The following DPP6 variants were observed in gnomAD, a reference collection of about 807,000 sequenced individuals.
DPP6 encodes A-type potassium channel modulatory protein DPP6.
In DPP6, 69 loss-of-function variants were observed where a neutral mutation model predicts 122.6. The ratio of observed to expected loss-of-function variants is 0.56; its 90% CI spans 0.46 to 0.69. The LOEUF is 0.69. Ranked by LOEUF, DPP6 falls within the 30% of genes least tolerant of loss-of-function variation. DPP6 has a pLI of 0.00. For synonymous variants in DPP6, 418 were observed against 433.1 expected (o/e 0.97, Z 0.43); for missense variants, 928 against 1,116.9 (o/e 0.83, Z 2.41).
intron 1 of DPP6, among the ~76,000 whole-genome samples, chr7:154,315,159 A>G (rs1226854347): frequency 1.3e-5 from 2 of 152,212 alleles, no homozygotes; most frequent in Non-Finnish European, 2.9e-5. Flanking sequence ...TAAATTATGC[A>G]TGCTTTGGAA....
At chr7:154,466,751 G>A (rs1234782445) in intron 2 of DPP6, among the ~76,000 whole-genome samples, 1 of 152,172 alleles carries the variant, frequency 6.6e-6, no homozygotes, top group Non-Finnish European at 1.5e-5. Context: ...CTTTGGGATG[G>A]CCCTGTCTTA....
At chr7:153,877,935 A>G in the DPP6 span, among the ~76,000 whole-genome samples, 8 of 152,300 alleles carry the variant, frequency 5.3e-5, no homozygotes, top group East Asian at 9.7e-4. Context: ...CCTGGACACT[A>G]CAAATGACAA....
At chr7:154,279,439 T>A (rs946645702) in intron 1 of DPP6, among the ~76,000 whole-genome samples, 7 of 152,200 alleles carry the variant, frequency 4.6e-5, no homozygotes, top group African/African-American at 1.7e-4. Context: ...GGTGGTGGTA[T>A]CATGGGGATA....
intron 21 of DPP6, chr7:154,885,287 A>C (rs549056934): frequency 4.6e-5 from 10 of 219,030 alleles, no homozygotes; most frequent in African/African-American, 1.6e-4. Context: ...CAGACAAGGG[A>C]GGCGGTAAGA....
chr7:154,882,064 C>A (rs549466429), intron 21 of DPP6, among the ~76,000 whole-genome samples: 1 of 152,214 alleles, frequency 6.6e-6, no homozygotes, highest in Non-Finnish European at 1.5e-5. Flanking sequence ...CGTCACTCTG[C>A]CCCAAATGCA....
At chr7:153,765,755 G>A in the DPP6 span, among the ~76,000 whole-genome samples, 3 of 152,088 alleles carry the variant, frequency 2.0e-5, no homozygotes, top group East Asian at 1.9e-4. Flanking sequence ...AACACATGTC[G>A]CCTCACCAAA....
At chr7:154,510,936 G>GCACACAAACACACACACACACA (rs1187638890) in intron 3 of DPP6, among the ~76,000 whole-genome samples, 1 of 145,090 alleles carries the variant, frequency 6.9e-6, no homozygotes, top group African/African-American at 2.6e-5. Flanking sequence ...ACACACACAT[G>GCACACAAACACACACACACACA]CACACACACA....
At chr7:154,476,095 A>ATCAT in intron 3 of DPP6, among the ~76,000 whole-genome samples, 1 of 152,164 alleles carries the variant, frequency 6.6e-6, no homozygotes, top group African/African-American at 2.4e-5. Flanking sequence ...ATCAATTAAC[A>ATCAT]ATGACTCTTG....
chr7:154,843,464 C>A (rs1762054984), intron 16 of DPP6, among the ~76,000 whole-genome samples: 2 of 152,210 alleles, frequency 1.3e-5, no homozygotes, highest in Non-Finnish European at 2.9e-5. Flanking sequence ...ACCAGAACCT[C>A]TTTGTCGGTA....
intron 1 of DPP6, among the ~76,000 whole-genome samples, chr7:154,130,403 C>T (rs1377945152): frequency 6.6e-6 from 1 of 152,236 alleles, no homozygotes; most frequent in South Asian, 2.1e-4. Flanking sequence ...CCGGTTTCCT[C>T]ATCTGTAGGA....
intron 5 of DPP6, among the ~76,000 whole-genome samples, chr7:154,617,833 T>C (rs1834364275): frequency 6.6e-6 from 1 of 152,068 alleles, no homozygotes; most frequent in Admixed American, 6.5e-5. Flanking sequence ...GACAGAAGGT[T>C]TAGTAGCACT....
At chr7:154,032,264 C>T (rs1424827588) in intron 1 of DPP6, among the ~76,000 whole-genome samples, 3 of 152,036 alleles carry the variant, frequency 2.0e-5, no homozygotes, top group East Asian at 1.9e-4. Flanking sequence ...GGGACAAGGA[C>T]GTTGCAGGTG....
intron 1 of DPP6, among the ~76,000 whole-genome samples, chr7:154,309,370 ATTAAC>A (rs1049430037): frequency 1.3e-5 from 2 of 151,716 alleles, no homozygotes; most frequent in African/African-American, 4.9e-5. Context: ...AGGACCTAGT[ATTAAC>A]TTAAATTTGG....
intron 5 of DPP6, among the ~76,000 whole-genome samples, chr7:154,627,699 G>T (rs922949385): frequency 2.0e-5 from 3 of 152,168 alleles, no homozygotes; most frequent in African/African-American, 7.2e-5. Flanking sequence ...TTCAACTTCC[G>T]CATCAGGACT....
chr7:154,573,453 A>ACCAC (rs1831258983), intron 5 of DPP6, among the ~76,000 whole-genome samples: 1 of 152,198 alleles, frequency 6.6e-6, no homozygotes, highest in Non-Finnish European at 1.5e-5. Context: ...CAGCCTGTCC[A>ACCAC]CCACCCACTG....
At chr7:154,848,144 G>C (rs1163640048) in intron 16 of DPP6, among the ~76,000 whole-genome samples, 4 of 152,208 alleles carry the variant, frequency 2.6e-5, no homozygotes, top group African/African-American at 9.6e-5. Flanking sequence ...AGTACAGACA[G>C]CTCTTCAACA....
At chr7:154,840,043 A>G (rs139500734) in intron 16 of DPP6, among the ~76,000 whole-genome samples, 1 of 152,312 alleles carries the variant, frequency 6.6e-6, no homozygotes, top group East Asian at 1.9e-4. Flanking sequence ...GAGAGGCCAG[A>G]GCGTGGAACG....
intron 8 of DPP6, among the ~76,000 whole-genome samples, chr7:154,733,629 A>G (rs1301647354): frequency 4.6e-5 from 7 of 152,208 alleles, no homozygotes. Flanking sequence ...TGTCTTGAGT[A>G]TTCAAGGAGG....
chr7:153,935,509 T>C (rs544551384), intron 1 of DPP6, among the ~76,000 whole-genome samples: 47 of 152,252 alleles, frequency 3.1e-4, no homozygotes, highest in Non-Finnish European at 6.0e-4. Context: ...CTCCCTGCCG[T>C]CCGAGGCCCC....
Sources: gnomAD v4.1 joint callset for allele counts (sites outside exome capture counted in the v4.1 genomes callset) on GRCh38, gnomAD v4.1.1 for gene constraint, MANE v1.5 for transcripts, NCBI Gene and HGNC (gene_info 2026-07-23, HGNC 2026-07-21) for gene names.